Variants in CPQ observed in about 807,000 individuals in gnomAD.
CPQ encodes the protein carboxypeptidase Q, also known as Ser-Met dipeptidase.
CPQ carries 37 observed loss-of-function variants against 45.7 expected under a neutral mutation model. The observed-to-expected ratio is 0.81, with a 90% CI of 0.62 to 1.07. The LOEUF (loss-of-function observed/expected upper bound fraction) is 1.07. Among genes scored for constraint, CPQ ranks in the 50% least tolerant of loss-of-function variants. The pLI is 0.00. For missense variants in CPQ, 537 were observed against 572.9 expected (o/e 0.94, Z 0.64); for synonymous variants, 186 against 205.8 (o/e 0.90, Z 0.82).
chr8:96,933,433 T>G (rs767448657), intron 4 of CPQ, among the ~76,000 whole-genome samples: 11 of 152,212 alleles, frequency 7.2e-5, no homozygotes, highest in Non-Finnish European at 1.6e-4. Context: ...TAGCTTCTTG[T>G]GGACTTTGTC....
intron 7 of CPQ, among the ~76,000 whole-genome samples, chr8:97,109,451 C>T (rs1047662136): frequency 6.6e-6 from 1 of 152,082 alleles, no homozygotes; most frequent in Admixed American, 6.6e-5. Flanking sequence ...CAGGGGTTCT[C>T]ATTCTTTTCT....
At chr8:96,740,898 C>T (rs890977037) in intron 1 of CPQ, among the ~76,000 whole-genome samples, 1 of 152,170 alleles carries the variant, frequency 6.6e-6, no homozygotes, top group Non-Finnish European at 1.5e-5. Context: ...CATCAATGTT[C>T]ATCAAGGATA....
intron 5 of CPQ, among the ~76,000 whole-genome samples, chr8:97,002,771 A>G (rs548904181): frequency 8.5e-5 from 13 of 152,248 alleles, no homozygotes; most frequent in African/African-American, 3.1e-4. Context: ...TATTTGATCT[A>G]GGTCCATTTG....
intron 7 of CPQ, among the ~76,000 whole-genome samples, chr8:97,091,313 G>A (rs575211125): frequency 3.3e-5 from 5 of 152,276 alleles, no homozygotes; most frequent in Admixed American, 1.3e-4. Flanking sequence ...CAGTGACTTT[G>A]TTTTTTCTGG....
At chr8:96,727,823 G>T (rs1271203516) in intron 1 of CPQ, among the ~76,000 whole-genome samples, 10 of 152,172 alleles carry the variant, frequency 6.6e-5, no homozygotes, top group Admixed American at 6.6e-4. Context: ...TTATGGGGTT[G>T]CTCCCAGGAC....
chr8:96,878,624 A>G (rs1044014396), intron 3 of CPQ, among the ~76,000 whole-genome samples: 2 of 152,176 alleles, frequency 1.3e-5, no homozygotes, highest in African/African-American at 4.8e-5. Context: ...CTCTAAGTAA[A>G]TAGTCACCTG....
intron 2 of CPQ, among the ~76,000 whole-genome samples, chr8:96,805,139 A>T (rs1012419972): frequency 2.0e-5 from 3 of 152,222 alleles, no homozygotes; most frequent in Non-Finnish European, 4.4e-5. Flanking sequence ...ACTGATCATA[A>T]AAGCAATGTG....
At chr8:96,951,751 C>T (rs1022261621) in intron 4 of CPQ, among the ~76,000 whole-genome samples, 2 of 152,098 alleles carry the variant, frequency 1.3e-5, no homozygotes, top group African/African-American at 4.8e-5. Flanking sequence ...CTAATTCAAA[C>T]TGGCAGTGCA....
rs1809406020 is a variant in CPQ, at chr8:96,697,849, T to C, written c.-35+52447T>C. The stretch of plus-strand genomic sequence containing the variant: ...ATGATAAAATGCTGATGAAGGAAAT[T>C]GAAGAGGACACAAAAAATGGAAAGA... On this transcript the variant is annotated intron_variant, in intron 1 of 7. Transcript: ENST00000220763. Among the ~76,000 whole-genome samples, 3 of 151,768 alleles carry C rather than the reference T, an allele frequency of 2.0e-5. No homozygotes were observed. In the South Asian group the frequency reaches 6.2e-4, roughly 32 times the overall value.
intron 4 of CPQ, among the ~76,000 whole-genome samples, chr8:96,882,229 G>A (rs543472182): frequency 9.8e-5 from 15 of 152,294 alleles, no homozygotes; most frequent in African/African-American, 3.6e-4. Flanking sequence ...TTTTGCCACA[G>A]GGATGATGGA....
At chr8:96,836,052 G>A (rs1238553041) in intron 3 of CPQ, among the ~76,000 whole-genome samples, 1 of 152,164 alleles carries the variant, frequency 6.6e-6, no homozygotes, top group Non-Finnish European at 1.5e-5. Flanking sequence ...AAATATTTGA[G>A]AAACATGGGG....
chr8:96,785,821 C>G (rs1810761168), intron 2 of CPQ, among the ~76,000 whole-genome samples: 1 of 152,124 alleles, frequency 6.6e-6, no homozygotes, highest in African/African-American at 2.4e-5. Flanking sequence ...CTTATAAGCA[C>G]CCTGGATCAG....
chr8:97,063,785 A>G (rs1042405972), intron 6 of CPQ, among the ~76,000 whole-genome samples: 22 of 151,872 alleles, frequency 1.4e-4, no homozygotes, highest in African/African-American at 5.3e-4. Flanking sequence ...GTAGGTGTTC[A>G]GCCTTATTTC....
chr8:97,106,262 C>T (rs1811402112), intron 7 of CPQ, among the ~76,000 whole-genome samples: 1 of 152,262 alleles, frequency 6.6e-6, no homozygotes, highest in African/African-American at 2.4e-5. Context: ...CCTGCCCAGA[C>T]TTCTGGATAT....
chr8:96,862,206 C>T (rs1811934802), intron 3 of CPQ, among the ~76,000 whole-genome samples: 1 of 151,734 alleles, frequency 6.6e-6, no homozygotes, highest in Non-Finnish European at 1.5e-5. Context: ...CATACGGGAC[C>T]ATGCCTAGGT....
chr8:96,675,746 G>C (rs185257677), intron 1 of CPQ, among the ~76,000 whole-genome samples: 1 of 151,964 alleles, frequency 6.6e-6, no homozygotes, highest in Non-Finnish European at 1.5e-5. Flanking sequence ...ACAGCACTCT[G>C]TTTTAGTTTG....
chr8:96,862,530 T>C (rs2130868159), intron 3 of CPQ, among the ~76,000 whole-genome samples: 1 of 152,090 alleles, frequency 6.6e-6, no homozygotes, highest in African/African-American at 2.4e-5. Context: ...TGGAGTTACT[T>C]TGATAGGCAT....
intron 5 of CPQ, among the ~76,000 whole-genome samples, chr8:96,982,966 C>G (rs1265964529): frequency 6.6e-6 from 1 of 152,120 alleles, no homozygotes. Flanking sequence ...TATCCTCCAC[C>G]TAGATTTCAT....
intron 1 of CPQ, among the ~76,000 whole-genome samples, chr8:96,715,323 C>T (rs1192226792): frequency 6.6e-6 from 1 of 152,134 alleles, no homozygotes; most frequent in Non-Finnish European, 1.5e-5. Context: ...AGCAATCTAC[C>T]TCCCAGTCAT....
Sources: allele counts gnomAD v4.1 joint callset (sites outside exome capture counted in the v4.1 genomes callset), GRCh38; gene constraint gnomAD v4.1.1; transcripts MANE v1.5; gene names NCBI Gene and HGNC (gene_info 2026-07-23, HGNC 2026-07-21).